COG3: variants seen among roughly 807,000 people sequenced by gnomAD.
COG3 encodes component of oligomeric golgi complex 3, also known as conserved oligomeric Golgi complex subunit 3.
In COG3, 32 loss-of-function variants were observed where a neutral mutation model predicts 114.1. The ratio of observed to expected loss-of-function variants is 0.28; its 90% CI spans 0.21 to 0.38. The LOEUF is 0.38. Ranked by LOEUF, COG3 falls within the 10% of genes least tolerant of loss-of-function variation. The pLI is 1.00. For missense variants in COG3, 813 were observed against 973.2 expected (o/e 0.84, Z 2.19); for synonymous variants, 352 against 365.7 (o/e 0.96, Z 0.43).
At chr13:45,483,393 G>T in intron 7 of COG3, 38 bp downstream of exon 7, 1 of 1,488,224 alleles carries the variant, frequency 6.7e-7, no homozygotes, top group Admixed American at 2.3e-5. Flanking sequence ...TTTTGTTATT[G>T]TTGTTGTTTT....
intron 16 of COG3, among the ~76,000 whole-genome samples, chr13:45,514,344 A>G (rs1871307986): frequency 6.6e-6 from 1 of 152,026 alleles, no homozygotes; most frequent in South Asian, 2.1e-4. Context: ...CATTTGTAGT[A>G]GAGACAGGGT....
At position 45,496,288 on chromosome 13, in the gene COG3, T is replaced by C; in HGVS notation, c.1464T>C (p.Tyr488=). 6.3e-7 allele frequency: 1 copy of C among 1,599,876 alleles called. No homozygotes were observed. Among genetic ancestry groups the C allele is most frequent in the Non-Finnish European group, 8.5e-7 (1 of 1,171,848 alleles). ...GYKPAPGDLA[Y]PDKLVMMEQI... ...AACCAGCTCCTGGAGATCTGGCATA[T>C]CCCGATAAGTTAGTCATGATGGAGG... is the stretch of plus-strand genomic sequence containing the variant. Residue 488 remains tyrosine (Y), a synonymous_variant, in exon 13 of 23, where the codon TAT becomes TAC. Transcript: ENST00000349995.
At chr13:45,501,877 G>A (rs1176521260) in intron 13 of COG3, among the ~76,000 whole-genome samples, 1 of 152,196 alleles carries the variant, frequency 6.6e-6, no homozygotes, top group African/African-American at 2.4e-5. Flanking sequence ...TACCTGTTTT[G>A]AGGATGTTCT....
Position 45,479,010 on chromosome 13 carries a change from C to G in COG3, c.327C>G (p.Phe109Leu). 1 of 1,609,640 alleles carries G rather than the reference C, an allele frequency of 6.2e-7. No individual in the cohort carries two copies. Residue 109 changes from phenylalanine to leucine, a missense_variant, in exon 3 of 23, where the codon TTC becomes TTG. Physicochemically the swap from Phe to Leu is conservative, Grantham distance 22. This residue lies in a region of COG3 where 424 missense variants were observed against 430.6 expected (regional missense o/e 0.98). Transcript: ENST00000349995. ...ATAATACTCTGTTTTTCCAGTTTTT[C>G]TCATGGTTTGCAAAGCTGCAAACTC... Reference protein sequence around the residue: ...EERIETAQQFFSWFAKLQTQM... With the variant: ...EERIETAQQFLSWFAKLQTQM...
intron 19 of COG3, 125 bp downstream of exon 19, chr13:45,519,219 C>G (rs1290251265): frequency 2.9e-6 from 3 of 1,036,586 alleles, no homozygotes; most frequent in East Asian, 2.5e-5. Flanking sequence ...ATGATTCTGT[C>G]TAGGAAATCA....
At chr13:45,523,456 C>T (rs1439335318) in intron 19 of COG3, among the ~76,000 whole-genome samples, 1 of 151,944 alleles carries the variant, frequency 6.6e-6, no homozygotes, top group African/African-American at 2.4e-5. Context: ...GACGATGGGT[C>T]TTTGTTCATT....
At chr13:45,512,372 C>T (rs1284132399) in intron 16 of COG3, among the ~76,000 whole-genome samples, 1 of 152,114 alleles carries the variant, frequency 6.6e-6, no homozygotes, top group South Asian at 2.1e-4. Context: ...TGCTTTGTCT[C>T]CCTGGCTGAA....
chr13:45,494,455 T>C (rs1464387258), intron 12 of COG3, among the ~76,000 whole-genome samples: 1 of 152,186 alleles, frequency 6.6e-6, no homozygotes, highest in Non-Finnish European at 1.5e-5. Flanking sequence ...TTTAACTCAT[T>C]CATTTTCTCA....
chr13:45,491,022 A>T, intron 9 of COG3, 64 bp downstream of exon 9: 3 of 1,048,852 alleles, frequency 2.9e-6, no homozygotes, highest in Non-Finnish European at 4.3e-6. Flanking sequence ...TGTTTTTCCA[A>T]ATCTGGATCT....
intron 8 of COG3, among the ~76,000 whole-genome samples, chr13:45,486,998 A>C (rs1171434864): frequency 6.6e-6 from 1 of 152,232 alleles, no homozygotes; most frequent in Non-Finnish European, 1.5e-5. Flanking sequence ...AATTTAGGAA[A>C]AGTAGAGAAC....
intron 8 of COG3, among the ~76,000 whole-genome samples, chr13:45,489,186 CAAAAAAAAAAAAA>C (rs71074703): frequency 9.9e-5 from 3 of 30,412 alleles, no homozygotes; most frequent in East Asian, 2.1e-3. Context: ...GACTCTGTTT[CAAAAAAAAAAAAA>C]AAAAAAAAAA....
intron 8 of COG3, among the ~76,000 whole-genome samples, chr13:45,489,166 GAC>G (rs1350554079): frequency 2.7e-5 from 3 of 111,324 alleles, no homozygotes; most frequent in Non-Finnish European, 5.1e-5. Flanking sequence ...CAGCCTGGGT[GAC>G]AAAGTGAGAC....
intron 17 of COG3, among the ~76,000 whole-genome samples, chr13:45,517,356 C>T (rs1449443003): frequency 1.3e-5 from 2 of 152,084 alleles, no homozygotes; most frequent in South Asian, 2.1e-4. Flanking sequence ...TTAACTCACC[C>T]GAGAGCCAGT....
Position 45,535,951 on chromosome 13 carries a change from G to C in COG3, c.*1220G>C. The stretch of plus-strand genomic sequence containing the variant: ...GTCAGGGGTTCTGGAATGGGACCAG[G>C]GGACCTTTTGGTGCAGTGGGTGCCT... On this transcript the variant is annotated 3_prime_UTR_variant, in exon 23 of 23. Coordinates refer to ENST00000349995, the MANE Select transcript of COG3 (RefSeq NM_031431.4). 1 of 891,314 alleles carries C rather than the reference G, an allele frequency of 1.1e-6. No individual in the cohort carries two copies. The highest frequency in any genetic ancestry group is 1.3e-6 in the Non-Finnish European group (1 of 742,238). The allele number at this position is 891,314 out of a possible 1,614,324, so 55.2% of individuals were successfully genotyped here. A position where few individuals can be genotyped will look rare whatever the true frequency, so the allele number is the denominator to read the frequency against.
chr13:45,492,833 A>T (rs781579155), intron 11 of COG3, among the ~76,000 whole-genome samples: 1 of 152,198 alleles, frequency 6.6e-6, no homozygotes, highest in African/African-American at 2.4e-5. Context: ...AGTATGAAGC[A>T]TATAGACAAC....
intron 12 of COG3, among the ~76,000 whole-genome samples, chr13:45,494,604 C>A (rs1361595312): frequency 6.6e-6 from 1 of 152,180 alleles, no homozygotes; most frequent in Non-Finnish European, 1.5e-5. Flanking sequence ...CGGCTCACTA[C>A]AACCTCTGCC....
chr13:45,476,367 C>T lies in COG3; in HGVS notation c.321+20C>T. ...CAGCAGGTGAATTGCAGTATCTTTTCTAAGGATGTTTGATTATTTCAGATG... is the reference window on the plus strand; with the variant it reads ...CAGCAGGTGAATTGCAGTATCTTTTTTAAGGATGTTTGATTATTTCAGATG... On this transcript the variant is annotated intron_variant, in intron 2 of 22. Transcript: ENST00000349995. 1 of 1,609,732 alleles carries T rather than the reference C, an allele frequency of 6.2e-7. No individual in the cohort carries two copies. Among genetic ancestry groups the T allele is most frequent in the Non-Finnish European group, 8.5e-7 (1 of 1,176,738 alleles).
intron 19 of COG3, among the ~76,000 whole-genome samples, chr13:45,521,741 G>A (rs1456129731): frequency 1.3e-5 from 2 of 151,706 alleles, no homozygotes; most frequent in African/African-American, 2.4e-5. Flanking sequence ...TTTCTTTAAA[G>A]GTAAACCTCA....
intron 8 of COG3, among the ~76,000 whole-genome samples, chr13:45,487,254 G>A (rs1433928135): frequency 6.6e-6 from 1 of 152,094 alleles, no homozygotes; most frequent in Non-Finnish European, 1.5e-5. Flanking sequence ...AAACAAAATG[G>A]ATTACAGACT....
Sources: gnomAD v4.1 joint callset for allele counts (sites outside exome capture counted in the v4.1 genomes callset) on GRCh38, gnomAD v4.1.1 for gene constraint, gnomAD v4.1.1 regional missense constraint, MANE v1.5 for transcripts, NCBI Gene and HGNC (gene_info 2026-07-23, HGNC 2026-07-21) for gene names.